EGFR: variants seen among roughly 807,000 people sequenced by gnomAD.
EGFR encodes the protein avian erythroblastic leukemia viral (v-erb-b) oncogene homolog.
Under a neutral mutation model 143.0 loss-of-function variants are expected in EGFR, and 58 were observed. That is an observed-to-expected ratio of 0.41 (90% CI 0.33 to 0.50). EGFR has a LOEUF of 0.50. Ranked by LOEUF, EGFR falls within the 20% of genes least tolerant of loss-of-function variation. The pLI is 0.39. For missense variants in EGFR, 1,307 were observed against 1,579.0 expected, an observed-to-expected ratio of 0.83 and a Z score of 2.92; for synonymous variants, 613 against 594.4, an observed-to-expected ratio of 1.03 and a Z score of -0.45.
intron 20 of EGFR, among the ~76,000 whole-genome samples, chr7:55,188,448 G>A (rs1435992240): frequency 1.3e-5 from 2 of 152,182 alleles, no homozygotes; most frequent in African/African-American, 4.8e-5. Flanking sequence ...CTTCTTTTTT[G>A]TAAGTGGAAG....
At chr7:55,187,693 A>C (rs915025031) in intron 20 of EGFR, among the ~76,000 whole-genome samples, 2 of 152,206 alleles carry the variant, frequency 1.3e-5, no homozygotes, top group African/African-American at 4.8e-5. Flanking sequence ...TCTGGAGTCC[A>C]GAGACAGGAG....
intron 1 of EGFR, among the ~76,000 whole-genome samples, chr7:55,122,946 T>C (rs1793298024): frequency 6.6e-6 from 1 of 152,252 alleles, no homozygotes; most frequent in Non-Finnish European, 1.5e-5. Context: ...AGCTGATTAA[T>C]TGATGAATTG....
intron 1 of EGFR, among the ~76,000 whole-genome samples, chr7:55,084,836 G>C (rs1790661874): frequency 6.6e-6 from 1 of 152,156 alleles, no homozygotes; most frequent in African/African-American, 2.4e-5. Flanking sequence ...CAGAGAAGTG[G>C]AGTCCTGAGA....
chr7:55,123,539 A>G (rs796595883), intron 1 of EGFR, among the ~76,000 whole-genome samples: 28 of 152,152 alleles, frequency 1.8e-4, no homozygotes, highest in African/African-American at 6.5e-4. Context: ...AGCTAAGTGT[A>G]CCTCCTTGTG....
Position 55,172,999 on chromosome 7 carries a change from A to C in EGFR, c.1936A>C (p.Ile646Leu), listed in dbSNP as rs140516819. Residue 646 changes from isoleucine (I) to leucine (L), a missense_variant, in exon 17 of 28, where the codon ATC (isoleucine) becomes CTC (leucine). This residue lies in a region of EGFR where 348 missense variants were observed against 451.5 expected (regional missense o/e 0.77). Coordinates refer to ENST00000275493, the MANE Select transcript of EGFR (RefSeq NM_005228.5). ...TCATTCCAGGCCTAAGATCCCGTCC[A>C]TCGCCACTGGGATGGTGGGGGCCCT... is the stretch of plus-strand genomic sequence containing the variant. Reference protein sequence around the residue: ...CPTNGPKIPSIATGMVGALLL... With the variant: ...CPTNGPKIPSLATGMVGALLL... 76 of 1,614,150 alleles carry C rather than the reference A, an allele frequency of 4.7e-5. No homozygotes were observed. The African/African-American group carries it at 9.3e-4, about 20-fold the overall frequency.
At chr7:55,157,106 A>G (rs17336674) in intron 10 of EGFR, among the ~76,000 whole-genome samples, 54 of 152,178 alleles carry the variant, frequency 3.5e-4, no homozygotes, top group African/African-American at 1.3e-3. Flanking sequence ...ATAACCCCTG[A>G]GGGTAGAGGG....
intron 16 of EGFR, 22 bp from the exon 17 acceptor site, chr7:55,172,961 T>C (rs1250566883): frequency 1.9e-6 from 3 of 1,614,200 alleles, no homozygotes; most frequent in Non-Finnish European, 2.5e-6. Flanking sequence ...TCACCCTTCC[T>C]TGTTCCTCCA....
intron 1 of EGFR, among the ~76,000 whole-genome samples, chr7:55,020,165 C>T (rs1008659256): frequency 2.0e-4 from 31 of 152,348 alleles, no homozygotes; most frequent in African/African-American, 7.2e-4. Flanking sequence ...AGACCCCGGC[C>T]GCTCGCCTCG....
At chr7:55,173,896 G>A (rs751132626) in intron 17 of EGFR, 25 bp from the exon 18 acceptor site, 11 of 1,614,114 alleles carry the variant, frequency 6.8e-6, no homozygotes, top group Non-Finnish European at 9.3e-6. Flanking sequence ...GGTGACCCTT[G>A]TCTCTGTGTT....
intron 13 of EGFR, among the ~76,000 whole-genome samples, chr7:55,162,572 T>C (rs1216301699): frequency 1.3e-5 from 2 of 152,226 alleles, no homozygotes; most frequent in Non-Finnish European, 2.9e-5. Context: ...AGTTTTCAAG[T>C]GTTTCTTAAG....
At chr7:55,124,144 C>T (rs796394278) in intron 1 of EGFR, among the ~76,000 whole-genome samples, 28 of 152,310 alleles carry the variant, frequency 1.8e-4, no homozygotes, top group African/African-American at 6.7e-4. Context: ...AAACTTTTCT[C>T]CCTATCAGTC....
Position 55,034,201 on chromosome 7 carries a change from T to C in EGFR, c.88+14836T>C, listed in dbSNP as rs544270922. On this transcript the variant is annotated intron_variant, in intron 1 of 27. Coordinates refer to ENST00000275493, the MANE Select transcript of EGFR (RefSeq NM_005228.5). The stretch of plus-strand genomic sequence containing the variant: ...AAGTGAGAAAAGAATGGATTTGTAT[T>C]CCCCCTCTGCATTATTGTTTTTGTT... Among the ~76,000 whole-genome samples, 46 of 152,264 alleles carry C rather than the reference T, an allele frequency of 3.0e-4. No homozygotes were observed. In the South Asian group the frequency reaches 9.5e-3, roughly 32 times the overall value.
chr7:55,050,444 A>T (rs1441477357), intron 1 of EGFR, among the ~76,000 whole-genome samples: 2 of 152,210 alleles, frequency 1.3e-5, no homozygotes, highest in Non-Finnish European at 2.9e-5. Flanking sequence ...TCCAGGCTGA[A>T]TGGTACTCTT....
At chr7:55,148,271 T>C (rs1412691702) in intron 4 of EGFR, among the ~76,000 whole-genome samples, 1 of 152,104 alleles carries the variant, frequency 6.6e-6, no homozygotes, top group African/African-American at 2.4e-5. Flanking sequence ...CTGTGCACAT[T>C]TTATTTTTTT....
intron 1 of EGFR, among the ~76,000 whole-genome samples, chr7:55,057,959 A>C (rs1170999174): frequency 6.6e-6 from 1 of 152,250 alleles, no homozygotes; most frequent in African/African-American, 2.4e-5. Context: ...AGGAAGTGTT[A>C]GTTTTTGTTA....
intron 1 of EGFR, among the ~76,000 whole-genome samples, chr7:55,100,388 G>A (rs756701924): frequency 3.3e-5 from 5 of 152,234 alleles, no homozygotes; most frequent in Admixed American, 6.5e-5. Context: ...GATGCTGTGT[G>A]TAAACAGTTG....
At chr7:55,079,307 G>T (rs992858955) in intron 1 of EGFR, among the ~76,000 whole-genome samples, 1 of 152,230 alleles carries the variant, frequency 6.6e-6, no homozygotes, top group African/African-American at 2.4e-5. Flanking sequence ...ACTCAGAGTA[G>T]GTGGCCTGTG....
chr7:55,137,999 C>A (rs1214205209), intron 1 of EGFR, among the ~76,000 whole-genome samples: 1 of 152,118 alleles, frequency 6.6e-6, no homozygotes, highest in East Asian at 1.9e-4. Flanking sequence ...TGACTGCAAA[C>A]TAATATTGAA....
chr7:55,054,751 C>G (rs1402675418), intron 1 of EGFR, among the ~76,000 whole-genome samples: 1 of 152,216 alleles, frequency 6.6e-6, no homozygotes, highest in African/African-American at 2.4e-5. Flanking sequence ...TCCGTTCACA[C>G]CACTCACATG....
Sources: allele counts gnomAD v4.1 joint callset (sites outside exome capture counted in the v4.1 genomes callset), GRCh38; gene constraint gnomAD v4.1.1; regional missense constraint gnomAD v4.1.1; transcripts MANE v1.5; gene names NCBI Gene and HGNC (gene_info 2026-07-23, HGNC 2026-07-21).